Variants in TRIM9 observed in about 807,000 individuals in gnomAD.
TRIM9 encodes the protein tripartite motif containing 9.
A neutral mutation model predicts 78.3 loss-of-function variants in TRIM9; 26 were observed. That is an observed-to-expected ratio of 0.33 (90% CI 0.24 to 0.46). The LOEUF is 0.46. Ranked by LOEUF, TRIM9 falls within the 20% of genes least tolerant of loss-of-function variation. TRIM9 has a pLI of 1.00. For synonymous variants in TRIM9, 398 were observed against 416.5 expected (o/e 0.96, Z 0.54); for missense variants, 787 against 1,036.4 (o/e 0.76, Z 3.30).
chr14:50,981,443 G>A (rs1324950409), intron 11 of TRIM9, among the ~76,000 whole-genome samples: 1 of 152,162 alleles, frequency 6.6e-6, no homozygotes, highest in Non-Finnish European at 1.5e-5. Context: ...TGGAAACTGA[G>A]GTTCAAAAAA....
chr14:51,029,647 T>C (rs1181198468), intron 1 of TRIM9, among the ~76,000 whole-genome samples: 8 of 152,126 alleles, frequency 5.3e-5, no homozygotes, highest in African/African-American at 1.7e-4. Flanking sequence ...ATTCTAATAA[T>C]TGTAAGCAAG....
intron 3 of TRIM9, among the ~76,000 whole-genome samples, chr14:51,012,980 C>T (rs1370203151): frequency 6.6e-6 from 1 of 152,148 alleles, no homozygotes; most frequent in Non-Finnish European, 1.5e-5. Flanking sequence ...ATATTTCATA[C>T]TGTTGGGTGG....
intron 3 of TRIM9, among the ~76,000 whole-genome samples, chr14:51,011,036 G>A (rs74055308): frequency 6.6e-6 from 1 of 152,126 alleles, no homozygotes; most frequent in Non-Finnish European, 1.5e-5. Flanking sequence ...GGATGGTGGG[G>A]GACCTGGAAG....
intron 1 of TRIM9, among the ~76,000 whole-genome samples, chr14:51,067,306 C>A (rs1180431334): frequency 2.6e-5 from 4 of 151,996 alleles, no homozygotes; most frequent in Non-Finnish European, 1.5e-5. Context: ...AGTTTCTTAC[C>A]ATCTCCACTT....
At chr14:51,049,210 C>A (rs995952368) in intron 1 of TRIM9, among the ~76,000 whole-genome samples, 2 of 152,078 alleles carry the variant, frequency 1.3e-5, no homozygotes, top group African/African-American at 4.8e-5. Flanking sequence ...TACAGGCATG[C>A]GCCATCACAC....
chr14:50,997,392 T>C lies in TRIM9; in HGVS notation c.1603+658A>G, dbSNP rs576898584. ...GTAGCCTAGCCAAGACTGAAGGGAC[T>C]GGCAAAGATGAAAATGGCGGGTAAT... On this transcript the variant is annotated intron_variant, in intron 7 of 12. Coordinates refer to ENST00000684578, the MANE Select transcript of TRIM9 (RefSeq NM_001387360.1). 74 of 985,472 alleles carry C rather than the reference T, an allele frequency of 7.5e-5. No individual in the cohort carries two copies. The South Asian group carries it at 3.1e-3, about 41-fold the overall frequency. The allele number at this position is 985,472 out of a possible 1,614,324, so 61.0% of individuals were successfully genotyped here.
chr14:51,086,224 T>C (rs72687174), intron 1 of TRIM9, among the ~76,000 whole-genome samples: 76,951 of 151,990 alleles, frequency 0.51, 20,506 homozygotes, highest in African/African-American at 0.66. Flanking sequence ...AACATGTGAG[T>C]TGTAGAGTCA....
At chr14:51,085,144 T>G (rs28683704) in intron 1 of TRIM9, among the ~76,000 whole-genome samples, 53,330 of 151,794 alleles carry the variant, frequency 0.35, 9,654 homozygotes, top group Admixed American at 0.42. Context: ...GCCACACAGT[T>G]ACTTCTTAAA....
intron 3 of TRIM9, among the ~76,000 whole-genome samples, chr14:51,021,029 C>G (rs2057710768): frequency 3.3e-5 from 5 of 152,208 alleles, no homozygotes; most frequent in Admixed American, 3.3e-4. Context: ...GCGGGGAAAA[C>G]TGTTCAGTTT....
intron 1 of TRIM9, among the ~76,000 whole-genome samples, chr14:51,028,060 G>C (rs2058417876): frequency 6.6e-6 from 1 of 152,156 alleles, no homozygotes; most frequent in Non-Finnish European, 1.5e-5. Flanking sequence ...TTGACCAGTT[G>C]CTGCTGTATA....
chr14:50,989,651 T>G (rs1351968498), intron 7 of TRIM9, among the ~76,000 whole-genome samples: 1 of 152,216 alleles, frequency 6.6e-6, no homozygotes, highest in East Asian at 1.9e-4. Flanking sequence ...AGAGCTTTGC[T>G]GAATGAAAGC....
intron 3 of TRIM9, among the ~76,000 whole-genome samples, chr14:51,022,604 T>C (rs1023818984): frequency 3.3e-5 from 5 of 152,232 alleles, no homozygotes; most frequent in Admixed American, 6.5e-5. Flanking sequence ...CCTATGTCCA[T>C]TGCAGTTCCT....
intron 3 of TRIM9, among the ~76,000 whole-genome samples, chr14:51,014,796 T>C (rs895496674): frequency 3.3e-5 from 5 of 152,216 alleles, no homozygotes; most frequent in African/African-American, 1.2e-4. Context: ...ACTGTTGTCT[T>C]TGAATGACAC....
At chr14:51,028,058 T>C (rs1412250742) in intron 1 of TRIM9, among the ~76,000 whole-genome samples, 6 of 152,232 alleles carry the variant, frequency 3.9e-5, no homozygotes, top group African/African-American at 7.2e-5. Context: ...TTTTGACCAG[T>C]TGCTGCTGTA....
At chr14:51,062,780 A>C (rs553798168) in intron 1 of TRIM9, among the ~76,000 whole-genome samples, 1 of 152,336 alleles carries the variant, frequency 6.6e-6, no homozygotes, top group Admixed American at 6.5e-5. Flanking sequence ...AGAGACTCCA[A>C]GGAGCTCAGC....
chr14:51,023,009 G>T (rs1459700242), intron 2 of TRIM9, 52 bp from the exon 3 acceptor site: 2 of 1,607,080 alleles, frequency 1.2e-6, no homozygotes, highest in Non-Finnish European at 8.5e-7. Flanking sequence ...GCCTCAGGCT[G>T]CCAGAGAAAA....
chr14:51,002,767 C>T (rs12101171), intron 5 of TRIM9, among the ~76,000 whole-genome samples: 6,673 of 152,186 alleles, frequency 0.044, 272 homozygotes, highest in African/African-American at 0.096. Flanking sequence ...AAGGTGAAGC[C>T]GGTCAATTGT....
intron 1 of TRIM9, among the ~76,000 whole-genome samples, chr14:51,069,151 T>C (rs1175232224): frequency 6.6e-6 from 1 of 152,184 alleles, no homozygotes; most frequent in Non-Finnish European, 1.5e-5. Context: ...CTGAGAGAGT[T>C]GGGCCTTCTT....
intron 5 of TRIM9, among the ~76,000 whole-genome samples, chr14:51,002,419 C>T (rs764113347): frequency 5.3e-5 from 8 of 152,102 alleles, no homozygotes; most frequent in Non-Finnish European, 1.0e-4. Flanking sequence ...GAGATATGAG[C>T]CACCGTGCCC....
Sources: allele counts gnomAD v4.1 joint callset (sites outside exome capture counted in the v4.1 genomes callset), GRCh38; gene constraint gnomAD v4.1.1; transcripts MANE v1.5; gene names NCBI Gene and HGNC (gene_info 2026-07-23, HGNC 2026-07-21).